TENM3: variants seen among roughly 807,000 people sequenced by gnomAD.
TENM3 encodes teneurin transmembrane protein 3, also known as teneurin-3.
In TENM3, 63 loss-of-function variants were observed where a neutral mutation model predicts 255.1. That is an observed-to-expected ratio of 0.25 (90% CI 0.20 to 0.30). The LOEUF (loss-of-function observed/expected upper bound fraction) is 0.30, where lower values mean the gene tolerates loss of function less well. TENM3 is among the 10% of genes least tolerant of loss of function. The pLI, the probability that TENM3 is intolerant of heterozygous loss-of-function variation, is 1.00. For missense variants in TENM3, 2,929 were observed against 3,461.1 expected, an observed-to-expected ratio of 0.85 and a Z score of 3.86; for synonymous variants, 1,306 against 1,322.3, an observed-to-expected ratio of 0.99 and a Z score of 0.27.
chr4:181,462,583 T>A, the TENM3 span, among the ~76,000 whole-genome samples: 1 of 152,232 alleles, frequency 6.6e-6, no homozygotes, highest in Admixed American at 6.5e-5. Flanking sequence ...GTTTTCAAAT[T>A]TTTTAAAGGC....
the TENM3 span, among the ~76,000 whole-genome samples, chr4:181,714,242 T>C: frequency 6.6e-6 from 1 of 151,928 alleles, no homozygotes; most frequent in African/African-American, 2.4e-5. Flanking sequence ...TCAAGACCAA[T>C]CTGGCCAACA....
chr4:181,902,135 A>G, the TENM3 span, among the ~76,000 whole-genome samples: 5 of 150,362 alleles, frequency 3.3e-5, no homozygotes, highest in Non-Finnish European at 4.4e-5. Context: ...ACACACACAC[A>G]CACACTTATA....
At chr4:182,371,448 C>G (rs1053597543) in intron 3 of TENM3, among the ~76,000 whole-genome samples, 2 of 152,132 alleles carry the variant, frequency 1.3e-5, no homozygotes, top group Non-Finnish European at 2.9e-5. Context: ...TTCTGTGACC[C>G]TTTTCTTCAA....
At chr4:182,314,902 A>T (rs7693718) in intron 1 of TENM3, among the ~76,000 whole-genome samples, 1 of 152,114 alleles carries the variant, frequency 6.6e-6, no homozygotes, top group Admixed American at 6.5e-5. Context: ...TTCCATTTTT[A>T]AAATTTCTGT....
the TENM3 span, among the ~76,000 whole-genome samples, chr4:181,449,246 T>G: frequency 6.6e-6 from 1 of 152,202 alleles, no homozygotes; most frequent in African/African-American, 2.4e-5. Flanking sequence ...GGTGCAGTTT[T>G]TCTCCTGTCA....
chr4:181,617,143 AAGAC>A, the TENM3 span, among the ~76,000 whole-genome samples: 5 of 152,176 alleles, frequency 3.3e-5, no homozygotes, highest in African/African-American at 4.8e-5. Flanking sequence ...AAATGATCGA[AAGAC>A]AGATAATAGA....
At chr4:182,740,539 C>T (rs1561185432) in intron 18 of TENM3, among the ~76,000 whole-genome samples, 2 of 152,262 alleles carry the variant, frequency 1.3e-5, no homozygotes, top group African/African-American at 2.4e-5. Context: ...CTAGGGGAAA[C>T]GTCTCTAGAT....
At chr4:182,192,605 T>C (rs146303866) in intron 1 of TENM3, among the ~76,000 whole-genome samples, 2 of 152,352 alleles carry the variant, frequency 1.3e-5, no homozygotes, top group African/African-American at 2.4e-5. Context: ...AGCTTTCTGG[T>C]ATGTCATTCT....
chr4:181,492,542 A>G, the TENM3 span, among the ~76,000 whole-genome samples: 4 of 152,240 alleles, frequency 2.6e-5, no homozygotes, highest in Admixed American at 6.5e-5. Context: ...CCATTAACAT[A>G]ACGGTGCTTC....
At chr4:181,526,420 T>G in the TENM3 span, among the ~76,000 whole-genome samples, 1 of 152,258 alleles carries the variant, frequency 6.6e-6, no homozygotes. Flanking sequence ...TAAATTTCAC[T>G]TCACTGTATC....
At chr4:181,475,215 G>A in the TENM3 span, among the ~76,000 whole-genome samples, 1 of 152,088 alleles carries the variant, frequency 6.6e-6, no homozygotes, top group Non-Finnish European at 1.5e-5. Flanking sequence ...CAGAAATTTT[G>A]TTTGGTGTCT....
intron 5 of TENM3, among the ~76,000 whole-genome samples, chr4:182,637,804 A>C (rs1751966785): frequency 6.6e-6 from 1 of 152,200 alleles, no homozygotes. Context: ...AAATGTAGGA[A>C]ACTAAGAGAG....
the TENM3 span, among the ~76,000 whole-genome samples, chr4:181,755,891 C>T: frequency 6.6e-6 from 1 of 151,968 alleles, no homozygotes; most frequent in Admixed American, 6.6e-5. Flanking sequence ...TATTATATTG[C>T]CCCTGATTGC....
intron 3 of TENM3, among the ~76,000 whole-genome samples, chr4:182,535,204 G>C (rs1287485111): frequency 2.6e-5 from 4 of 152,166 alleles, no homozygotes; most frequent in African/African-American, 9.7e-5. Context: ...AAATAGAAAT[G>C]TGTTCATCTT....
At chr4:181,613,827 C>G in the TENM3 span, among the ~76,000 whole-genome samples, 1 of 152,184 alleles carries the variant, frequency 6.6e-6, no homozygotes. Flanking sequence ...AACTTTTTTA[C>G]TCTTACTTTC....
chr4:182,724,898 C>T (rs1451981748), intron 13 of TENM3, among the ~76,000 whole-genome samples: 1 of 152,160 alleles, frequency 6.6e-6, no homozygotes, highest in East Asian at 1.9e-4. Flanking sequence ...GTTATTCTCC[C>T]AAGCATATGT....
intron 4 of TENM3, among the ~76,000 whole-genome samples, chr4:182,608,410 T>C (rs1467847083): frequency 3.3e-5 from 5 of 152,170 alleles, no homozygotes; most frequent in Non-Finnish European, 5.9e-5. Flanking sequence ...AGGTGTGGCA[T>C]GGTGCCCAGA....
chr4:181,462,601 T>C, the TENM3 span, among the ~76,000 whole-genome samples: 1 of 152,236 alleles, frequency 6.6e-6, no homozygotes, highest in Non-Finnish European at 1.5e-5. Flanking sequence ...GGCAGCATGA[T>C]ATATCTGGTC....
At chr4:181,922,862 G>A in the TENM3 span, among the ~76,000 whole-genome samples, 1 of 151,932 alleles carries the variant, frequency 6.6e-6, no homozygotes, top group Non-Finnish European at 1.5e-5. Flanking sequence ...GCTTTCTCTT[G>A]TGGGCATTCA....
Sources: gnomAD v4.1 joint callset for allele counts (sites outside exome capture counted in the v4.1 genomes callset) on GRCh38, gnomAD v4.1.1 for gene constraint, MANE v1.5 for transcripts, NCBI Gene and HGNC (gene_info 2026-07-23, HGNC 2026-07-21) for gene names.